The following AFG2A variants were observed in gnomAD, a reference collection of about 807,000 sequenced individuals.
The protein encoded by AFG2A is ATPase family gene 2 protein homolog A.
At chr4:123,045,044 C>T in the AFG2A span, among the ~76,000 whole-genome samples, 2 of 151,788 alleles carry the variant, frequency 1.3e-5, no homozygotes, top group Non-Finnish European at 2.9e-5. Context: ...TAGTGTTTTC[C>T]TGAAAATTTT....
the AFG2A span, among the ~76,000 whole-genome samples, chr4:123,236,454 T>C: frequency 6.6e-6 from 1 of 152,366 alleles, no homozygotes; most frequent in African/African-American, 2.4e-5. Context: ...CTTTGCTGTG[T>C]GATATTTGCT....
the AFG2A span, among the ~76,000 whole-genome samples, chr4:123,047,714 T>TC: frequency 6.6e-6 from 1 of 151,492 alleles, no homozygotes; most frequent in Admixed American, 6.6e-5. Context: ...TTTTTTTTTT[T>TC]CCTTTTGAGA....
chr4:122,988,671 A>G, the AFG2A span, among the ~76,000 whole-genome samples: 2 of 152,174 alleles, frequency 1.3e-5, no homozygotes, highest in Non-Finnish European at 2.9e-5. Context: ...CTGGGGTTAC[A>G]GGCCTGAGCC....
the AFG2A span, among the ~76,000 whole-genome samples, chr4:123,239,373 A>G: frequency 3.3e-5 from 5 of 152,306 alleles, no homozygotes; most frequent in African/African-American, 9.6e-5. Flanking sequence ...CCCAAGACAC[A>G]TAATTCTCAG....
the AFG2A span, among the ~76,000 whole-genome samples, chr4:123,246,698 A>G: frequency 3.3e-5 from 5 of 152,294 alleles, no homozygotes; most frequent in South Asian, 4.1e-4. Context: ...ATCTGAAGGA[A>G]ACAATATCTT....
At chr4:123,062,230 A>G in the AFG2A span, among the ~76,000 whole-genome samples, 1 of 152,200 alleles carries the variant, frequency 6.6e-6, no homozygotes, top group Non-Finnish European at 1.5e-5. Context: ...GAAGGGAGGC[A>G]GTTTACATAC....
the AFG2A span, among the ~76,000 whole-genome samples, chr4:122,995,892 C>T: frequency 6.6e-6 from 1 of 152,172 alleles, no homozygotes; most frequent in Non-Finnish European, 1.5e-5. Context: ...AAGACTAGTA[C>T]CCACTAGTAG....
chr4:122,973,522 C>A, the AFG2A span, among the ~76,000 whole-genome samples: 1 of 151,482 alleles, frequency 6.6e-6, no homozygotes, highest in African/African-American at 2.4e-5. Flanking sequence ...CATCCTCTTC[C>A]CATTGTCTTT....
At chr4:123,220,860 G>T in the AFG2A span, among the ~76,000 whole-genome samples, 4 of 152,204 alleles carry the variant, frequency 2.6e-5, no homozygotes, top group Non-Finnish European at 4.4e-5. Flanking sequence ...TCATAATATT[G>T]TGTAAGATTG....
the AFG2A span, among the ~76,000 whole-genome samples, chr4:122,945,406 C>G: frequency 6.6e-6 from 1 of 152,230 alleles, no homozygotes; most frequent in African/African-American, 2.4e-5. Context: ...GACTGCTGTG[C>G]TAGCAATCAG....
the AFG2A span, among the ~76,000 whole-genome samples, chr4:123,160,437 A>G: frequency 2.0e-5 from 3 of 152,156 alleles, no homozygotes; most frequent in African/African-American, 7.2e-5. Context: ...TAATACTACA[A>G]TGTAAACACT....
At chr4:122,946,172 T>C in the AFG2A span, among the ~76,000 whole-genome samples, 1 of 152,234 alleles carries the variant, frequency 6.6e-6, no homozygotes, top group Non-Finnish European at 1.5e-5. Context: ...AGACCAAATG[T>C]TTGTGTTTAT....
the AFG2A span, among the ~76,000 whole-genome samples, chr4:123,235,578 T>C: frequency 6.6e-6 from 1 of 152,338 alleles, no homozygotes; most frequent in African/African-American, 2.4e-5. Flanking sequence ...TTGCTAAAGA[T>C]AGAATAAGTG....
the AFG2A span, among the ~76,000 whole-genome samples, chr4:122,995,264 G>A: frequency 6.6e-6 from 1 of 152,042 alleles, no homozygotes; most frequent in East Asian, 1.9e-4. Flanking sequence ...CTGTGGAAAT[G>A]CTATTAATTC....
At chr4:123,294,986 C>A in the AFG2A span, among the ~76,000 whole-genome samples, 9 of 152,184 alleles carry the variant, frequency 5.9e-5, no homozygotes, top group Non-Finnish European at 8.8e-5. Context: ...TCCTAATTTT[C>A]CTATTATCAC....
the AFG2A span, among the ~76,000 whole-genome samples, chr4:122,940,026 T>C: frequency 1.3e-5 from 2 of 152,262 alleles, no homozygotes; most frequent in Non-Finnish European, 2.9e-5. Context: ...TAATCCAGTC[T>C]GTCATTGTGG....
At chr4:123,304,541 G>C in the AFG2A span, among the ~76,000 whole-genome samples, 3 of 152,172 alleles carry the variant, frequency 2.0e-5, no homozygotes, top group Admixed American at 1.3e-4. Flanking sequence ...CACAATCATC[G>C]CCAGCTGCAG....
At chr4:123,026,725 G>A in the AFG2A span, among the ~76,000 whole-genome samples, 5 of 152,130 alleles carry the variant, frequency 3.3e-5, no homozygotes, top group Non-Finnish European at 5.9e-5. Context: ...TGGAGTATTC[G>A]TTACAACATG....
the AFG2A span, among the ~76,000 whole-genome samples, chr4:123,156,759 T>A: frequency 1.5e-5 from 2 of 134,824 alleles, no homozygotes; most frequent in Admixed American, 7.4e-5. Flanking sequence ...TTAAGAAGAT[T>A]AAAAAAAAAA....
Sources: allele counts gnomAD v4.1 joint callset (sites outside exome capture counted in the v4.1 genomes callset), GRCh38; gene constraint gnomAD v4.1.1; transcripts MANE v1.5; gene names NCBI Gene and HGNC (gene_info 2026-07-23, HGNC 2026-07-21).